Variants in EGLN2 observed in about 807,000 individuals in gnomAD.
EGLN2 encodes prolyl hydroxylase EGLN2.
EGLN2 carries 15 observed loss-of-function variants against 38.2 expected under a neutral mutation model. The observed-to-expected ratio is 0.39, with a 90% CI of 0.26 to 0.60. EGLN2 has a LOEUF of 0.60. EGLN2 is among the 20% of genes least tolerant of loss of function. The probability of loss-of-function intolerance (pLI) is 0.50; values close to 1 mark genes in which losing one functional copy is unlikely to be tolerated. For synonymous variants in EGLN2, 284 were observed against 237.4 expected (o/e 1.20, Z -1.81); for missense variants, 492 against 570.4 (o/e 0.86, Z 1.40).
In EGLN2 at chr19:40,801,399, T is replaced by C. The variant is rs2083257162; in HGVS notation, c.827T>C (p.Ile276Thr). 1 of 1,605,500 alleles carries C rather than the reference T, an allele frequency of 6.2e-7. No individual in the cohort carries two copies. The highest frequency in any genetic ancestry group is 1.3e-5 in the African/African-American group (1 of 74,910). ...GCAGGGCGGCTGGGCAGCTATGTCA[T>C]CAACGGGCGCACCAAGGTAAGGCTA... Reference protein sequence around the residue: ...HCAGRLGSYVINGRTKAMVAC... With the variant: ...HCAGRLGSYVTNGRTKAMVAC... The change falls in exon 2 of 6, where the codon ATC becomes ACC. Residue 276 changes from isoleucine (I) to threonine (T), a missense_variant. Around this residue, in one of 2 missense-constraint regions of EGLN2, gnomAD observed 378 missense variants for 386.2 expected, o/e 0.98. Coordinates refer to ENST00000303961, the MANE Select transcript of EGLN2 (RefSeq NM_080732.4).
chr19:40,799,682 C>G (rs1036220740), intron 1 of EGLN2: 8 of 152,164 alleles, frequency 5.3e-5, no homozygotes, highest in Non-Finnish European at 1.2e-4. Context: ...GCCGCGGACC[C>G]TCTCCCCGAG....
At chr19:40,802,489 T>C (rs2145084471) in intron 2 of EGLN2, among the ~76,000 whole-genome samples, 1 of 152,394 alleles carries the variant, frequency 6.6e-6, no homozygotes, top group South Asian at 2.1e-4. Flanking sequence ...TTCTTTTTGC[T>C]TTAGAACAAT....
At position 40,802,230 on chromosome 19, in the gene EGLN2, C is replaced by T. The variant is rs147190608; in HGVS notation, c.843+815C>T. ...CTGAGGGAAGGAAAGGGGTGCTGCC[C>T]GCTGGGCCGAGTGCTTGGCCCTGGA... On this transcript the variant is annotated intron_variant, in intron 2 of 5. Transcript: ENST00000303961. 1.6e-3 allele frequency among the ~76,000 whole-genome samples: 237 copies of T among 152,210 alleles called. 1 individual carries two copies. Among genetic ancestry groups the T allele is most frequent in the African/African-American group, 5.4e-3 (225 of 41,530 alleles).
At position 40,807,884 on chromosome 19, in the gene EGLN2, A is replaced by G. The variant is rs1208084687; in HGVS notation, c.*20A>G. On this transcript the variant is annotated 3_prime_UTR_variant, in exon 6 of 6. Transcript: ENST00000303961. ...ACCTAGTGGCCAGTCCCAGAGCCGCATGGCAGACAGCTTAAATGACTTCAG... is the reference window on the plus strand; with the variant it reads ...ACCTAGTGGCCAGTCCCAGAGCCGCGTGGCAGACAGCTTAAATGACTTCAG... 6.2e-7 allele frequency: 1 copy of G among 1,613,262 alleles called. No individual in the cohort carries two copies. Among genetic ancestry groups the G allele is most frequent in the Non-Finnish European group, 8.5e-7 (1 of 1,179,352 alleles).
At chr19:40,801,531 A>G (rs929082169) in intron 2 of EGLN2, 116 bp downstream of exon 2, 4 of 1,444,968 alleles carry the variant, frequency 2.8e-6, no homozygotes, top group South Asian at 1.3e-5. Context: ...CAGAAGGTTT[A>G]GGCAGTTCAG....
At chr19:40,805,139 G>C (rs1016042184) in intron 2 of EGLN2, 3 of 152,374 alleles carry the variant, frequency 2.0e-5, no homozygotes, top group Non-Finnish European at 2.9e-5. Context: ...TCTTGGGACT[G>C]TCTTGCTGGG....
rs775695710 is a variant in EGLN2, at chr19:40,808,257, C to A, written c.*393C>A. On this transcript the variant is annotated 3_prime_UTR_variant, in exon 6 of 6. Transcript: ENST00000303961. ...CTGGCAATGGGGTGGGAGGAGTACC[C>A]CCAAGTCCTCTCACTCCTCCAGCCT... The A allele has an allele frequency of 4.0e-5, 17 of 423,634 alleles. No homozygotes were observed. The highest frequency in any genetic ancestry group is 3.8e-4 in the East Asian group (11 of 28,708). The allele number at this position is 423,634 out of a possible 1,614,324, so 26.2% of individuals were successfully genotyped here.
In EGLN2 at chr19:40,801,307, C is replaced by T. The variant is rs768256515; in HGVS notation, c.735C>T (p.Gly245=). ...GGGACCAGATTGCCTGGGTGGAAGG[C>T]CATGAACCAGGCTGTCGAAGCATTG... ...IRGDQIAWVE[G]HEPGCRSIGA... is the part of the protein sequence containing the mutation. The change falls in exon 2 of 6, where the codon GGC becomes GGT. Residue 245 remains glycine, a synonymous_variant. Coordinates refer to ENST00000303961, the MANE Select transcript of EGLN2 (RefSeq NM_080732.4). 3.7e-6 allele frequency: 6 copies of T among 1,613,012 alleles called. No individual in the cohort carries two copies. The South Asian group carries it at 5.5e-5, about 15-fold the overall frequency.
chr19:40,806,339 G>C (rs1022946869), intron 2 of EGLN2: 98 of 835,264 alleles, frequency 1.2e-4, no homozygotes, highest in Non-Finnish European at 1.7e-4. Context: ...GAGGGAGTGG[G>C]CTCTTGAGGC....
chr19:40,802,020 C>T (rs919754358), intron 2 of EGLN2, among the ~76,000 whole-genome samples: 2 of 152,080 alleles, frequency 1.3e-5, no homozygotes, highest in South Asian at 2.1e-4. Context: ...AGACCAAGCA[C>T]GGGGATGTAG....
chr19:40,808,235 G>A lies in EGLN2; in HGVS notation c.*371G>A. On this transcript the variant is annotated 3_prime_UTR_variant, in exon 6 of 6. Coordinates refer to ENST00000303961, the MANE Select transcript of EGLN2 (RefSeq NM_080732.4). Reference sequence around the variant, plus strand: ...TGAGGTGAGTCATGGCCTCTTGCTGGCAATGGGGTGGGAGGAGTACCCCCA... The same window carrying A: ...TGAGGTGAGTCATGGCCTCTTGCTGACAATGGGGTGGGAGGAGTACCCCCA... 1 of 437,290 alleles carries A rather than the reference G, an allele frequency of 2.3e-6. No homozygotes were observed. Among genetic ancestry groups the A allele is most frequent in the Non-Finnish European group, 4.0e-6 (1 of 247,672 alleles). 27.1% of individuals were successfully genotyped at this position (437,290 alleles called of 1,614,324 possible). A position where few individuals can be genotyped will look rare whatever the true frequency, so the allele number is the denominator to read the frequency against.
intron 1 of EGLN2, 23 bp from the exon 2 acceptor site, chr19:40,800,316 C>T: frequency 4.3e-5 from 17 of 398,992 alleles, no homozygotes; most frequent in Admixed American, 8.0e-5. Context: ...TCTCACATCC[C>T]TTTTTTTTTT....
At chr19:40,801,973 T>A (rs971071559) in intron 2 of EGLN2, among the ~76,000 whole-genome samples, 1 of 152,098 alleles carries the variant, frequency 6.6e-6, no homozygotes, top group African/African-American at 2.4e-5. Context: ...TGGACCTTGG[T>A]GGGGTTCATG....
chr19:40,802,279 C>G (rs1381470062), intron 2 of EGLN2, among the ~76,000 whole-genome samples: 6 of 152,122 alleles, frequency 3.9e-5, no homozygotes, highest in African/African-American at 1.2e-4. Flanking sequence ...TGGGTCCCCA[C>G]TGTGGCATCT....
rs773924790 is a variant in EGLN2 at position 40,800,551 on chromosome 19, G to A, written c.-22G>A. 10 of 1,560,024 alleles carry A rather than the reference G, an allele frequency of 6.4e-6. No homozygotes were observed. Among genetic ancestry groups the A allele is most frequent in the Non-Finnish European group, 1.7e-6 (2 of 1,151,644 alleles). The stretch of plus-strand genomic sequence containing the variant: ...GGCCCGGGCGGTGCCCTCCATGCCC[G>A]GGGGATGAAGACACTGCTGCCATGG... On this transcript the variant is annotated 5_prime_UTR_variant, in exon 2 of 6. Coordinates refer to ENST00000303961, the MANE Select transcript of EGLN2 (RefSeq NM_080732.4).
At chr19:40,804,817 A>G (rs2083289072) in intron 2 of EGLN2, 1 of 152,280 alleles carries the variant, frequency 6.6e-6, no homozygotes, top group South Asian at 2.1e-4. Context: ...TGTAGCCATT[A>G]GGGTTTTCCC....
chr19:40,806,917 C>A, intron 3 of EGLN2: 4 of 925,914 alleles, frequency 4.3e-6, no homozygotes, highest in Non-Finnish European at 6.4e-6. Flanking sequence ...CAGCCCCACC[C>A]GGCCTTGTAA....
intron 1 of EGLN2, chr19:40,799,463 CG>C (rs1431024769): frequency 1.7e-4 from 1 of 5,986 alleles, no homozygotes; most frequent in African/African-American, 8.4e-4. Flanking sequence ...GGGGTGGGGG[CG>C]GGGAGCGCGC....
At chr19:40,806,220 A>G (rs1434992086) in intron 2 of EGLN2, 3 of 295,920 alleles carry the variant, frequency 1.0e-5, no homozygotes, top group Admixed American at 4.2e-5. Context: ...TTAAATTGGT[A>G]TTATTCTACT....
Sources: allele counts gnomAD v4.1 joint callset (sites outside exome capture counted in the v4.1 genomes callset), GRCh38; gene constraint gnomAD v4.1.1; regional missense constraint gnomAD v4.1.1; transcripts MANE v1.5; gene names NCBI Gene and HGNC (gene_info 2026-07-23, HGNC 2026-07-21).